MEGF11: variants seen among roughly 807,000 people sequenced by gnomAD.
MEGF11 encodes multiple EGF like domains 11.
In MEGF11, 126 loss-of-function variants were observed where a neutral mutation model predicts 146.6. The observed-to-expected ratio is 0.86, with a 90% CI of 0.74 to 1.00. The LOEUF is 1.00. MEGF11 is among the 50% of genes least tolerant of loss of function. MEGF11 has a pLI of 0.00. For synonymous variants in MEGF11, 532 were observed against 583.4 expected, an observed-to-expected ratio of 0.91 and a Z score of 1.27; for missense variants, 1,509 against 1,521.2, an observed-to-expected ratio of 0.99 and a Z score of 0.13.
At chr15:66,164,078 G>C (rs2090032334) in intron 1 of MEGF11, among the ~76,000 whole-genome samples, 1 of 152,116 alleles carries the variant, frequency 6.6e-6, no homozygotes, top group South Asian at 2.1e-4. Context: ...TGGGGGCAGG[G>C]TTGTTGGATT....
chr15:66,079,150 G>A (rs1160698698), intron 5 of MEGF11, among the ~76,000 whole-genome samples: 1 of 152,176 alleles, frequency 6.6e-6, no homozygotes, highest in Non-Finnish European at 1.5e-5. Context: ...AATGGGGAGA[G>A]CAGTGGCCCC....
In MEGF11 at chr15:66,221,887, C is replaced by T. The variant is rs1394794132; in HGVS notation, c.-9+31718G>A. On this transcript the variant is annotated intron_variant, in intron 1 of 25. Coordinates refer to ENST00000395614, the MANE Select transcript of MEGF11 (RefSeq NM_001385028.1). ...CCCATTACATAAAGCCACATAAAAG[C>T]TGCCCCTGCTAACAGCACTTTCCTG... is the stretch of plus-strand genomic sequence containing the variant. Among the ~76,000 whole-genome samples, 4 of 150,138 alleles carry T rather than the reference C, an allele frequency of 2.7e-5. No individual in the cohort carries two copies. The South Asian group carries it at 8.4e-4, about 31-fold the overall frequency.
chr15:66,170,621 C>T (rs2090223903), intron 1 of MEGF11, among the ~76,000 whole-genome samples: 1 of 152,110 alleles, frequency 6.6e-6, no homozygotes. Context: ...TGAAAGGAAC[C>T]AGTAGTTTGT....
In MEGF11 at chr15:66,138,250, G is replaced by A. The variant is rs113163414; in HGVS notation, c.-8-9839C>T. On this transcript the variant is annotated intron_variant, in intron 1 of 25. Transcript: ENST00000395614. Reference sequence around the variant, plus strand: ...TGAGCCCTAAACCTGCTACCCCTAGGGACACAGGCCACTTAGGGGAGCCTC... The same window carrying A: ...TGAGCCCTAAACCTGCTACCCCTAGAGACACAGGCCACTTAGGGGAGCCTC... 5.6e-3 allele frequency among the ~76,000 whole-genome samples: 859 copies of A among 152,166 alleles called. 8 individuals are homozygous for A. Among genetic ancestry groups the A allele is most frequent in the African/African-American group, 0.02 (822 of 41,508 alleles).
intron 1 of MEGF11, among the ~76,000 whole-genome samples, chr15:66,140,888 G>A (rs1001280414): frequency 3.9e-5 from 6 of 152,128 alleles, no homozygotes; most frequent in South Asian, 2.1e-4. Flanking sequence ...GGGGACTTGC[G>A]AGCCCTTACT....
rs938718393 is a variant in MEGF11, at chr15:65,913,457, T to C, written c.2710+280A>G. 5.5e-6 allele frequency: 3 copies of C among 550,120 alleles called. No homozygotes were observed. The African/African-American group carries it at 5.7e-5, about 10-fold the overall frequency. 34.1% of individuals were successfully genotyped at this position (550,120 alleles called of 1,614,324 possible). On this transcript the variant is annotated intron_variant, in intron 20 of 25. Coordinates refer to ENST00000395614, the MANE Select transcript of MEGF11 (RefSeq NM_001385028.1). ...GAAAGTGACTGGTTAGTGTGGGTGCTCCTGAGGCCGAAGGCTGGTGAGAAG... is the reference window on the plus strand; with the variant it reads ...GAAAGTGACTGGTTAGTGTGGGTGCCCCTGAGGCCGAAGGCTGGTGAGAAG...
At chr15:66,170,466 G>A (rs1383022776) in intron 1 of MEGF11, among the ~76,000 whole-genome samples, 1 of 152,234 alleles carries the variant, frequency 6.6e-6, no homozygotes. Context: ...AATCTGAGCT[G>A]AATCCACTCA....
At chr15:66,170,357 G>A (rs2090215292) in intron 1 of MEGF11, among the ~76,000 whole-genome samples, 1 of 152,182 alleles carries the variant, frequency 6.6e-6, no homozygotes, top group African/African-American at 2.4e-5. Flanking sequence ...TAGGGTGGGG[G>A]AACTGTGTGC....
At chr15:65,927,550 G>C (rs1296405008) in intron 13 of MEGF11, among the ~76,000 whole-genome samples, 1 of 152,202 alleles carries the variant, frequency 6.6e-6, no homozygotes, top group Non-Finnish European at 1.5e-5. Context: ...TAAAGGGAGT[G>C]CTTTTGTCTT....
intron 1 of MEGF11, among the ~76,000 whole-genome samples, chr15:66,220,214 G>A (rs2091697457): frequency 7.2e-5 from 11 of 151,954 alleles, no homozygotes; most frequent in Admixed American, 7.2e-4. Flanking sequence ...TAGAACTGTG[G>A]GAAAACAAAT....
intron 5 of MEGF11, among the ~76,000 whole-genome samples, chr15:66,082,266 TG>T (rs1327254556): frequency 1.3e-5 from 2 of 151,496 alleles, no homozygotes; most frequent in African/African-American, 4.9e-5. Context: ...ATAACACATA[TG>T]TCCTCCCCAG....
intron 9 of MEGF11, among the ~76,000 whole-genome samples, chr15:65,963,293 G>A (rs549699055): frequency 1.3e-5 from 2 of 152,284 alleles, no homozygotes; most frequent in Admixed American, 6.5e-5. Flanking sequence ...CTCTCACTCT[G>A]CTCTCCAAAC....
chr15:65,899,195 A>G (rs538371595), intron 24 of MEGF11, among the ~76,000 whole-genome samples: 1 of 152,358 alleles, frequency 6.6e-6, no homozygotes, highest in African/African-American at 2.4e-5. Flanking sequence ...CAAGATATGC[A>G]TAATATGCTT....
chr15:66,249,090 A>G (rs534621229), intron 1 of MEGF11, among the ~76,000 whole-genome samples: 2 of 152,336 alleles, frequency 1.3e-5, no homozygotes, highest in South Asian at 4.1e-4. Flanking sequence ...CTGCTGAGAT[A>G]CAGCTTCATA....
intron 5 of MEGF11, among the ~76,000 whole-genome samples, chr15:66,067,542 G>A (rs545756062): frequency 4.6e-5 from 7 of 152,262 alleles, no homozygotes; most frequent in Non-Finnish European, 7.4e-5. Flanking sequence ...GTTCTTTCCC[G>A]GCAGCATCCT....
rs570061755 is a variant in MEGF11 at position 66,081,719 on chromosome 15, G to T, written c.394+12683C>A. On this transcript the variant is annotated intron_variant, in intron 5 of 25. Transcript: ENST00000395614. Reference sequence around the variant, plus strand: ...ATGAGAAAACTGAGGCCCACAGAAAGGAAAGGACCAGGGTCCCCCAGGGAA... The same window carrying T: ...ATGAGAAAACTGAGGCCCACAGAAATGAAAGGACCAGGGTCCCCCAGGGAA... Among the ~76,000 whole-genome samples, 8 of 152,298 alleles carry T rather than the reference G, an allele frequency of 5.3e-5. No individual in the cohort carries two copies. In the South Asian group the frequency reaches 1.7e-3, roughly 32 times the overall value.
chr15:65,912,012 C>T (rs1474873255), intron 21 of MEGF11, 70 bp downstream of exon 21: 6 of 922,918 alleles, frequency 6.5e-6, no homozygotes, highest in South Asian at 5.6e-5. Context: ...CGTGCAGTTC[C>T]TTCCTGGGCA....
chr15:66,029,728 C>T (rs2083453216), intron 5 of MEGF11, among the ~76,000 whole-genome samples: 1 of 152,100 alleles, frequency 6.6e-6, no homozygotes, highest in African/African-American at 2.4e-5. Flanking sequence ...GAGTGGGGAC[C>T]TCTGTGCCTT....
intron 10 of MEGF11, among the ~76,000 whole-genome samples, chr15:65,935,102 C>T (rs1402167701): frequency 1.3e-5 from 2 of 151,880 alleles, no homozygotes; most frequent in Middle Eastern, 3.2e-3. Flanking sequence ...AGGCGGATCA[C>T]GATGTCAGGA....
Sources: allele counts gnomAD v4.1 joint callset (sites outside exome capture counted in the v4.1 genomes callset), GRCh38; gene constraint gnomAD v4.1.1; transcripts MANE v1.5; gene names NCBI Gene and HGNC (gene_info 2026-07-23, HGNC 2026-07-21).